KCNQ1: variants seen among roughly 807,000 people sequenced by gnomAD.
The protein encoded by KCNQ1 is potassium voltage-gated channel subfamily KQT member 1.
A neutral mutation model predicts 72.4 loss-of-function variants in KCNQ1; 49 were observed. The ratio of observed to expected loss-of-function variants is 0.68; its 90% CI spans 0.54 to 0.86. The LOEUF (loss-of-function observed/expected upper bound fraction) is 0.86, where lower values mean the gene tolerates loss of function less well. Ranked by LOEUF, KCNQ1 falls within the 40% of genes least tolerant of loss-of-function variation. The pLI, the probability that KCNQ1 is intolerant of heterozygous loss-of-function variation, is 0.00. For missense variants in KCNQ1, 790 were observed against 945.1 expected (o/e 0.84, Z 2.15); for synonymous variants, 450 against 412.6 (o/e 1.09, Z -1.10).
chr11:2,455,664 A>G (rs1383689372), intron 1 of KCNQ1, among the ~76,000 whole-genome samples: 1 of 152,260 alleles, frequency 6.6e-6, no homozygotes, highest in Non-Finnish European at 1.5e-5. Flanking sequence ...ATTCAATGCT[A>G]TTCCTATCAA....
chr11:2,481,194 A>C lies in KCNQ1; in HGVS notation c.386+35710A>C, dbSNP rs1846645236. Among the ~76,000 whole-genome samples the C allele has an allele frequency of 6.6e-6, 1 of 152,230 alleles. No homozygotes were observed. Among genetic ancestry groups the C allele is most frequent in the African/African-American group, 2.4e-5 (1 of 41,456 alleles). On this transcript the variant is annotated intron_variant, in intron 1 of 15. Transcript: ENST00000155840. This position sits in a 1 kb window ranked among gnomAD's most constrained non-coding sequence, Gnocchi z 4.6. ...TTCCAGTTACTCCTCACCAGACATA[A>C]GAAAATGCTTTTAGTAGATCAGTTT...
rs1469901652 is a variant in KCNQ1, at chr11:2,462,457, G to A, written c.386+16973G>A. The stretch of plus-strand genomic sequence containing the variant: ...TTCTAGAATGCACCATCTCTTCCTG[G>A]CATGACGGGAACCACCTGTGACATT... On this transcript the variant is annotated intron_variant, in intron 1 of 15. Transcript: ENST00000155840. The surrounding 1 kb of genome is among the most constrained non-coding windows in gnomAD (Gnocchi z 8.2). 6.6e-6 allele frequency among the ~76,000 whole-genome samples: 1 copy of A among 152,188 alleles called. No individual in the cohort carries two copies. The highest frequency in any genetic ancestry group is 1.5e-5 in the Non-Finnish European group (1 of 68,034).
At position 2,827,539 on chromosome 11, in the gene KCNQ1, C is replaced by G. The variant is rs1847863409; in HGVS notation, c.1795-20228C>G. 6.6e-6 allele frequency among the ~76,000 whole-genome samples: 1 copy of G among 151,208 alleles called. No individual in the cohort carries two copies. The highest frequency in any genetic ancestry group is 2.1e-4 in the South Asian group (1 of 4,756). On this transcript the variant is annotated intron_variant, in intron 15 of 15. Coordinates refer to ENST00000155840, the MANE Select transcript of KCNQ1 (RefSeq NM_000218.3). This position sits in a 1 kb window ranked among gnomAD's most constrained non-coding sequence, Gnocchi z 6.7. ...TCCACCCGCCGGAATGTGACGCACG[C>G]CTGAGTCGCTGCAAGGGCCCCTGGG...
intron 1 of KCNQ1, among the ~76,000 whole-genome samples, chr11:2,522,815 G>C (rs545169520): frequency 5.9e-5 from 9 of 152,184 alleles, no homozygotes; most frequent in Non-Finnish European, 4.4e-5. Context: ...TGCCTCAGCC[G>C]CGATTCCACT....
At chr11:2,472,329 C>T (rs1007188504) in intron 1 of KCNQ1, among the ~76,000 whole-genome samples, 3 of 144,740 alleles carry the variant, frequency 2.1e-5, no homozygotes, top group Non-Finnish European at 4.6e-5. Context: ...TGTGTGTATA[C>T]GTGCATGTCT....
At chr11:2,571,459 C>G in intron 4 of KCNQ1, 56 bp downstream of exon 4, 7 of 1,473,602 alleles carry the variant, frequency 4.8e-6, no homozygotes, top group Non-Finnish European at 6.6e-6. Flanking sequence ...AGCACCCCTC[C>G]TGAGCCGCGG....
chr11:2,587,833 A>G (rs1848616656), intron 9 of KCNQ1, 141 bp downstream of exon 9: 2 of 1,170,836 alleles, frequency 1.7e-6, no homozygotes, highest in Non-Finnish European at 1.2e-6. Flanking sequence ...CGTTCGGGAC[A>G]CTGGGCCATA....
Position 2,789,270 on chromosome 11 carries a change from G to A in KCNQ1, c.1794+11233G>A, listed in dbSNP as rs572425026. On this transcript the variant is annotated intron_variant, in intron 15 of 15. Coordinates refer to ENST00000155840, the MANE Select transcript of KCNQ1 (RefSeq NM_000218.3). ...GAGCAGACGCTCTTCTGTCTTACTA[G>A]GAGGTGGGAATTAATGAAAGTAACA... Among the ~76,000 whole-genome samples, 4 of 152,302 alleles carry A rather than the reference G, an allele frequency of 2.6e-5. No individual in the cohort carries two copies. The South Asian group carries it at 6.2e-4, about 24-fold the overall frequency.
Position 2,848,881 on chromosome 11 carries a change from G to A in KCNQ1, c.*878G>A, listed in dbSNP as rs142546141. ...AGGGGTTCCTTCTGGGCATTACATC[G>A]CATAGAAATCAATAATTTGTGGTGA... On this transcript the variant is annotated 3_prime_UTR_variant, in exon 16 of 16. Transcript: ENST00000155840. 2.0e-5 allele frequency: 9 copies of A among 454,118 alleles called. No individual in the cohort carries two copies. Among genetic ancestry groups the A allele is most frequent in the East Asian group, 1.4e-4 (2 of 14,398 alleles). 28.1% of individuals were successfully genotyped at this position (454,118 alleles called of 1,614,324 possible). A position where few individuals can be genotyped will look rare whatever the true frequency, so the allele number is the denominator to read the frequency against.
chr11:2,790,868 G>A (rs1172008636), intron 15 of KCNQ1, among the ~76,000 whole-genome samples: 3 of 152,196 alleles, frequency 2.0e-5, no homozygotes, highest in African/African-American at 4.8e-5. Flanking sequence ...ACCCTACTAC[G>A]TGGCCCTGGC....
chr11:2,510,127 A>G (rs1847174446), intron 1 of KCNQ1, among the ~76,000 whole-genome samples: 1 of 151,908 alleles, frequency 6.6e-6, no homozygotes, highest in South Asian at 2.1e-4. Flanking sequence ...TAAAATATTA[A>G]TACTAGCTGG....
At chr11:2,774,627 A>G (rs1450710459) in intron 12 of KCNQ1, among the ~76,000 whole-genome samples, 1 of 152,202 alleles carries the variant, frequency 6.6e-6, no homozygotes, top group Non-Finnish European at 1.5e-5. Flanking sequence ...AACTCCACCA[A>G]GCCTCCGGCA....
In KCNQ1 at chr11:2,565,390, C is replaced by T. The variant is rs1046708647; in HGVS notation, c.478-5238C>T. On this transcript the variant is annotated intron_variant, in intron 2 of 15. Transcript: ENST00000155840. The surrounding 1 kb of genome is among the most constrained non-coding windows in gnomAD (Gnocchi z 5.6). Reference sequence around the variant, plus strand: ...TGATTAGTGACACTGGGCACCTCTCCGTGTGCCTCTTGGCCATCTGTGTAT... The same window carrying T: ...TGATTAGTGACACTGGGCACCTCTCTGTGTGCCTCTTGGCCATCTGTGTAT... Among the ~76,000 whole-genome samples, 2 of 152,284 alleles carry T rather than the reference C, an allele frequency of 1.3e-5. No individual in the cohort carries two copies. Among genetic ancestry groups the T allele is most frequent in the South Asian group, 4.2e-4 (2 of 4,818 alleles).
rs138046095 is a variant in KCNQ1, at chr11:2,538,479, C to A, written c.477+10461C>A. Among the ~76,000 whole-genome samples the A allele has an allele frequency of 2.6e-3, 393 of 152,296 alleles. 2 individuals are homozygous for A. The highest frequency in any genetic ancestry group is 9.0e-3 in the African/African-American group (376 of 41,564). On this transcript the variant is annotated intron_variant, in intron 2 of 15. Transcript: ENST00000155840. This position sits in a 1 kb window ranked among gnomAD's most constrained non-coding sequence, Gnocchi z 6.7. ...CCAGCCAGGTCCCCTGTCCCAGGAC[C>A]GCGGTTGACAGGGTTTGGATTGGCT...
intron 10 of KCNQ1, among the ~76,000 whole-genome samples, chr11:2,604,652 C>T (rs1188245675): frequency 6.6e-6 from 1 of 151,816 alleles, no homozygotes; most frequent in Admixed American, 6.5e-5. Flanking sequence ...TCAAGCGATT[C>T]CTCTGCCTCA....
intron 10 of KCNQ1, chr11:2,610,737 T>TG: frequency 2.7e-6 from 1 of 365,638 alleles, no homozygotes; most frequent in Non-Finnish European, 4.7e-6. Context: ...TTTTTTTTTT[T>TG]TTTTTTTTAC....
intron 1 of KCNQ1, among the ~76,000 whole-genome samples, chr11:2,476,907 T>C (rs1256334608): frequency 2.0e-5 from 3 of 152,214 alleles, no homozygotes; most frequent in Non-Finnish European, 4.4e-5. Flanking sequence ...CAGGCTGGTA[T>C]TGAACTCCTG....
rs974602872 is a variant in KCNQ1 at position 2,494,815 on chromosome 11, C to T, written c.387-33113C>T. Among the ~76,000 whole-genome samples the T allele has an allele frequency of 6.6e-6, 1 of 151,960 alleles. No homozygotes were observed. Among genetic ancestry groups the T allele is most frequent in the East Asian group, 1.9e-4 (1 of 5,186 alleles). The stretch of plus-strand genomic sequence containing the variant: ...CCTGAAGTTTTCTTTTTTTGTGTGT[C>T]GCTGCCAAATTTTGGTATCAGGATG... On this transcript the variant is annotated intron_variant, in intron 1 of 15. Coordinates refer to ENST00000155840, the MANE Select transcript of KCNQ1 (RefSeq NM_000218.3). The surrounding 1 kb of genome is among the most constrained non-coding windows in gnomAD (Gnocchi z 4.6).
At chr11:2,460,116 G>A (rs544726793) in intron 1 of KCNQ1, among the ~76,000 whole-genome samples, 3 of 152,098 alleles carry the variant, frequency 2.0e-5, no homozygotes, top group Non-Finnish European at 2.9e-5. Context: ...CTTGCTTGCA[G>A]TGCCCATGGG....
Sources: allele counts gnomAD v4.1 joint callset (sites outside exome capture counted in the v4.1 genomes callset), GRCh38; gene constraint gnomAD v4.1.1; non-coding constraint Gnocchi (gnomAD v3.1); transcripts MANE v1.5; gene names NCBI Gene and HGNC (gene_info 2026-07-23, HGNC 2026-07-21).